The following HTR2B variants were observed in gnomAD, a reference collection of about 807,000 sequenced individuals.
HTR2B encodes 5-hydroxytryptamine receptor 2B.
A neutral mutation model predicts 39.8 loss-of-function variants in HTR2B; 31 were observed. That is an observed-to-expected ratio of 0.78 (90% CI 0.58 to 1.05). The LOEUF (loss-of-function observed/expected upper bound fraction) is 1.05. HTR2B is among the 50% of genes least tolerant of loss of function. The pLI is 0.00. For missense variants in HTR2B, 562 were observed against 578.0 expected (o/e 0.97, Z 0.28); for synonymous variants, 210 against 207.1 (o/e 1.01, Z -0.12).
intron 3 of HTR2B, 35 bp from the exon 4 acceptor site, chr2:231,109,444 T>G: frequency 6.4e-7 from 1 of 1,564,818 alleles, no homozygotes; most frequent in Non-Finnish European, 8.8e-7. Flanking sequence ...ATTGAGTCAT[T>G]TTATGACCTG....
chr2:231,113,072 G>A (rs1177945281), intron 3 of HTR2B, among the ~76,000 whole-genome samples: 1 of 152,160 alleles, frequency 6.6e-6, no homozygotes, highest in Non-Finnish European at 1.5e-5. Context: ...GCTGAGGTGG[G>A]AGGATCGCTT....
In HTR2B at chr2:231,123,516, C is replaced by T. The variant is rs746308865; in HGVS notation, c.249G>A (p.Lys83=). The change falls in exon 2 of 4, where the codon AAG becomes AAA. Residue 83 remains lysine, a synonymous_variant. Coordinates refer to ENST00000258400, the MANE Select transcript of HTR2B (RefSeq NM_000867.5). ...TLVILAVSLE[K]KLQYATNYFL... is the part of the protein sequence containing the mutation. ...AGTAATTAGTAGCATACTGCAGCTT[C>T]TTCTCCAGTGAAACAGCCAGAATAA... 9.9e-5 allele frequency: 159 copies of T among 1,614,038 alleles called. 3 individuals are homozygous for T. In the South Asian group the frequency reaches 1.5e-3, roughly 16 times the overall value.
At chr2:231,110,019 T>C (rs1293826586) in intron 3 of HTR2B, among the ~76,000 whole-genome samples, 1 of 152,204 alleles carries the variant, frequency 6.6e-6, no homozygotes, top group East Asian at 1.9e-4. Context: ...TTCTTAATCT[T>C]TCTTCTTCTG....
intron 2 of HTR2B, among the ~76,000 whole-genome samples, chr2:231,114,495 A>G (rs1695264807): frequency 6.6e-6 from 1 of 152,202 alleles, no homozygotes; most frequent in African/African-American, 2.4e-5. Flanking sequence ...ATAGTTCTCA[A>G]ATAAAGATTG....
chr2:231,110,202 C>G (rs182754053), intron 3 of HTR2B, among the ~76,000 whole-genome samples: 1 of 152,236 alleles, frequency 6.6e-6, no homozygotes, highest in East Asian at 1.9e-4. Flanking sequence ...CGCCTGTACT[C>G]CCAGCTACTC....
At chr2:231,121,604 A>G (rs1695546558) in intron 2 of HTR2B, among the ~76,000 whole-genome samples, 1 of 152,150 alleles carries the variant, frequency 6.6e-6, no homozygotes. Flanking sequence ...AATACATGGA[A>G]TCTATTAAAC....
At chr2:231,118,581 A>G (rs1261444482) in intron 2 of HTR2B, among the ~76,000 whole-genome samples, 1 of 151,966 alleles carries the variant, frequency 6.6e-6, no homozygotes, top group Non-Finnish European at 1.5e-5. Context: ...TGGTTTGGGT[A>G]TTTTTTTGTT....
chr2:231,109,375 C>A lies in HTR2B; in HGVS notation c.588G>T (p.Glu196Asp). The A allele has an allele frequency of 6.2e-7, 1 of 1,614,120 alleles. No homozygotes were observed. Among genetic ancestry groups the A allele is most frequent in the South Asian group, 1.1e-5 (1 of 91,044 alleles). The change falls in exon 4 of 4, where the codon GAG becomes GAT. Residue 196 changes from glutamate to aspartate, a missense_variant. Physicochemically the swap from Glu to Asp is conservative, Grantham distance 45. Transcript: ENST00000258400. Reference protein sequence around the residue: ...IAIPVPIKGIETDVDNPNNIT... With the variant: ...IAIPVPIKGIDTDVDNPNNIT... The stretch of plus-strand genomic sequence containing the variant: ...TATTGTTTGGGTTGTCCACATCAGT[C>A]TCTATCCCTTTAATAGGGACTGGAA...
At chr2:231,119,151 A>G (rs1180005562) in intron 2 of HTR2B, among the ~76,000 whole-genome samples, 1 of 152,180 alleles carries the variant, frequency 6.6e-6, no homozygotes. Context: ...GGTTTTTAAA[A>G]TTTCCACTTT....
intron 3 of HTR2B, among the ~76,000 whole-genome samples, chr2:231,112,894 G>A (rs1477191456): frequency 1.3e-5 from 2 of 152,154 alleles, no homozygotes; most frequent in Non-Finnish European, 2.9e-5. Context: ...CTTAAGTGCA[G>A]TGACTCACGC....
intron 2 of HTR2B, among the ~76,000 whole-genome samples, chr2:231,116,418 T>C (rs1300367589): frequency 2.0e-5 from 3 of 152,128 alleles, no homozygotes; most frequent in South Asian, 2.1e-4. Context: ...CTTGAAGTCC[T>C]TACTCTCTCT....
intron 2 of HTR2B, among the ~76,000 whole-genome samples, chr2:231,119,000 C>A (rs1270352218): frequency 6.6e-6 from 1 of 152,148 alleles, no homozygotes; most frequent in Non-Finnish European, 1.5e-5. Flanking sequence ...TAGTTCAGTT[C>A]AAATTATTGT....
At position 231,109,130 on chromosome 2, in the gene HTR2B, G is replaced by A. The variant is rs753803744; in HGVS notation, c.833C>T (p.Pro278Leu). The A allele has an allele frequency of 1.8e-5, 29 of 1,613,900 alleles. 1 individual carries two copies. The highest frequency in any genetic ancestry group is 1.0e-4 in the Admixed American group (6 of 59,994). ...ACCATCCAGCATTGCCACCTTTTCC[G>A]GTGACGAGCAAGGTGTTTCATCCCT... is the stretch of plus-strand genomic sequence containing the variant. Reference protein sequence around the residue: ...FQRDETPCSSPEKVAMLDGSR... With the variant: ...FQRDETPCSSLEKVAMLDGSR... Residue 278 changes from proline (P) to leucine (L), a missense_variant, in exon 4 of 4, where the codon CCG (proline) becomes CTG (leucine). Pro to Leu is a moderately conservative substitution (Grantham distance 98, BLOSUM62 -3). Coordinates refer to ENST00000258400, the MANE Select transcript of HTR2B (RefSeq NM_000867.5).
chr2:231,123,810 A>C lies in HTR2B; in HGVS notation c.-46T>G. 7.2e-7 allele frequency: 1 copy of C among 1,390,166 alleles called. No homozygotes were observed. The highest frequency in any genetic ancestry group is 1.0e-6 in the Non-Finnish European group (1 of 976,444). 86.1% of individuals were successfully genotyped at this position (1,390,166 alleles called of 1,614,324 possible). Reference sequence around the variant, plus strand: ...AATCCCGTTCCGAACAGTGGTCAGCATGGTTAGTAGCTAAGCTGCTCATCT... The same window carrying C: ...AATCCCGTTCCGAACAGTGGTCAGCCTGGTTAGTAGCTAAGCTGCTCATCT... On this transcript the variant is annotated 5_prime_UTR_variant, in exon 2 of 4. It removes an upstream start codon present in the reference 5' UTR. Transcript: ENST00000258400.
chr2:231,117,637 T>C (rs1235890982), intron 2 of HTR2B, among the ~76,000 whole-genome samples: 2 of 152,110 alleles, frequency 1.3e-5, no homozygotes, highest in Non-Finnish European at 2.9e-5. Context: ...CTGCCATGCA[T>C]GAGGGATGGT....
chr2:231,124,563 G>A (rs1389012171), intron 1 of HTR2B, among the ~76,000 whole-genome samples: 1 of 151,880 alleles, frequency 6.6e-6, no homozygotes, highest in African/African-American at 2.4e-5. Context: ...TGTCATTTTA[G>A]ATTTCCTTTA....
Position 231,108,977 on chromosome 2 carries a change from A to G in HTR2B, c.986T>C (p.Val329Ala), listed in dbSNP as rs1433373017. Residue 329 changes from valine (V) to alanine (A), a missense_variant, in exon 4 of 4, where the codon GTG (valine) becomes GCG (alanine). Transcript: ENST00000258400. Reference sequence around the variant, plus strand: ...CCACATAAGCAAAAAGAGGAAAAACACAATCCCTAGGACCTTTGAGGCTCT... The same window carrying G: ...CCACATAAGCAAAAAGAGGAAAAACGCAATCCCTAGGACCTTTGAGGCTCT... ...EQRASKVLGI[V>A]FFLFLLMWCP... is the part of the protein sequence containing the mutation. 4 of 1,614,094 alleles carry G rather than the reference A, an allele frequency of 2.5e-6. No individual in the cohort carries two copies. Among genetic ancestry groups the G allele is most frequent in the South Asian group, 1.1e-5 (1 of 91,088 alleles).
Position 231,108,870 on chromosome 2 carries a change from A to AT in HTR2B, c.1092dup (p.Phe365IlefsTer21), listed in dbSNP as rs764470232. The AT allele has an allele frequency of 1.7e-5, 27 of 1,614,154 alleles. No individual in the cohort carries two copies. The highest frequency in any genetic ancestry group is 2.1e-5 in the Non-Finnish European group (25 of 1,179,996). ...GAGGAAACATAGCCTATCCACACAA[A>AT]TATCTCCAGGAGCATTTGGAGAGTA... On this transcript the variant is annotated frameshift_variant, in exon 4 of 4. Transcript: ENST00000258400. LOFTEE classifies it high-confidence loss of function.
At chr2:231,118,859 C>T (rs1286220067) in intron 2 of HTR2B, among the ~76,000 whole-genome samples, 1 of 152,204 alleles carries the variant, frequency 6.6e-6, no homozygotes, top group African/African-American at 2.4e-5. Flanking sequence ...CAGAGGTACT[C>T]AGTTCATGAA....
Sources: gnomAD v4.1 joint callset for allele counts (sites outside exome capture counted in the v4.1 genomes callset) on GRCh38, gnomAD v4.1.1 for gene constraint, MANE v1.5 for transcripts, NCBI Gene and HGNC (gene_info 2026-07-23, HGNC 2026-07-21) for gene names.